RCAN2: variants seen among roughly 807,000 people sequenced by gnomAD.
The protein encoded by RCAN2 is calcipressin-2.
A neutral mutation model predicts 23.6 loss-of-function variants in RCAN2; 9 were observed. The ratio of observed to expected loss-of-function variants is 0.38; its 90% confidence interval spans 0.23 to 0.67. The LOEUF is 0.67. Among genes scored for constraint, RCAN2 ranks in the 30% least tolerant of loss-of-function variants. The pLI is 0.51. For missense variants in RCAN2, 273 were observed against 302.3 expected, an observed-to-expected ratio of 0.90 and a Z score of 0.72; for synonymous variants, 109 against 115.7, an observed-to-expected ratio of 0.94 and a Z score of 0.37.
At chr6:46,439,088 CTA>C (rs1166271978) in intron 2 of RCAN2, among the ~76,000 whole-genome samples, 1 of 152,178 alleles carries the variant, frequency 6.6e-6, no homozygotes, top group African/African-American at 2.4e-5. Flanking sequence ...TCAAAAGACT[CTA>C]GTCCACTGTA....
At chr6:46,224,207 A>G (rs992746677) in intron 4 of RCAN2, among the ~76,000 whole-genome samples, 2 of 152,162 alleles carry the variant, frequency 1.3e-5, no homozygotes, top group African/African-American at 2.4e-5. Flanking sequence ...TGGTGGGGTA[A>G]GAGGAGGGGG....
At chr6:46,386,904 A>T (rs1765772812) in intron 2 of RCAN2, among the ~76,000 whole-genome samples, 1 of 152,194 alleles carries the variant, frequency 6.6e-6, no homozygotes, top group African/African-American at 2.4e-5. Context: ...CAAAACAGAG[A>T]TATAGACCAA....
chr6:46,271,300 T>C (rs1767516722), intron 2 of RCAN2, among the ~76,000 whole-genome samples: 2 of 152,184 alleles, frequency 1.3e-5, no homozygotes, highest in South Asian at 2.1e-4. Flanking sequence ...AGCTCCAGTC[T>C]AACGACAGTA....
At chr6:46,332,179 T>C (rs1015602104) in intron 2 of RCAN2, among the ~76,000 whole-genome samples, 1 of 152,206 alleles carries the variant, frequency 6.6e-6, no homozygotes, top group Non-Finnish European at 1.5e-5. Flanking sequence ...AATATTTCCA[T>C]GGCTCAAAAA....
chr6:46,446,938 C>G (rs1339513139), intron 2 of RCAN2, among the ~76,000 whole-genome samples: 1 of 152,044 alleles, frequency 6.6e-6, no homozygotes, highest in Non-Finnish European at 1.5e-5. Flanking sequence ...AACAGATCTA[C>G]AAAGCAACTA....
intron 2 of RCAN2, among the ~76,000 whole-genome samples, chr6:46,330,892 G>A (rs1246624642): frequency 2.0e-5 from 3 of 152,124 alleles, no homozygotes. Context: ...CTGTTGTTTA[G>A]ATCCAGATGC....
At chr6:46,405,619 G>A (rs1029005410) in intron 2 of RCAN2, among the ~76,000 whole-genome samples, 3 of 152,122 alleles carry the variant, frequency 2.0e-5, no homozygotes, top group Non-Finnish European at 2.9e-5. Flanking sequence ...CTAAACACAG[G>A]GTGCTGATTG....
intron 2 of RCAN2, among the ~76,000 whole-genome samples, chr6:46,412,834 T>G (rs1766587696): frequency 6.6e-6 from 1 of 152,086 alleles, no homozygotes; most frequent in Admixed American, 6.6e-5. Flanking sequence ...TGTTGGGCCT[T>G]TGCTAGGAAC....
chr6:46,436,000 C>T (rs542965645), intron 2 of RCAN2, among the ~76,000 whole-genome samples: 14 of 152,312 alleles, frequency 9.2e-5, no homozygotes, highest in East Asian at 5.8e-4. Flanking sequence ...AGACTCTGTA[C>T]GCAGGGGAGA....
intron 1 of RCAN2, among the ~76,000 whole-genome samples, chr6:46,487,395 G>A (rs1198840850): frequency 6.6e-6 from 1 of 152,110 alleles, no homozygotes; most frequent in African/African-American, 2.4e-5. Flanking sequence ...CAACTAAGAG[G>A]TGGCCCCTAT....
At chr6:46,280,896 TGTGTG>T (rs1767888661) in intron 2 of RCAN2, among the ~76,000 whole-genome samples, 1 of 152,108 alleles carries the variant, frequency 6.6e-6, no homozygotes, top group South Asian at 2.1e-4. Context: ...TGTGTGTGTA[TGTGTG>T]GCTATTTTAC....
intron 1 of RCAN2, among the ~76,000 whole-genome samples, chr6:46,463,209 G>A (rs1011214975): frequency 1.3e-4 from 20 of 152,204 alleles, no homozygotes; most frequent in African/African-American, 2.7e-4. Flanking sequence ...GTCAAGTTAC[G>A]TTATCTAAGA....
intron 2 of RCAN2, among the ~76,000 whole-genome samples, chr6:46,421,340 G>A (rs904764566): frequency 1.3e-5 from 2 of 152,166 alleles, no homozygotes; most frequent in South Asian, 2.1e-4. Context: ...ATGAAAAAAT[G>A]AAGAAAGCAC....
rs138984720 is a variant in RCAN2 at position 46,350,039 on chromosome 6, A to G, written c.226-101143T>C. Among the ~76,000 whole-genome samples, 193 of 152,272 alleles carry G rather than the reference A, an allele frequency of 1.3e-3. 1 individual carries two copies. The highest frequency in any genetic ancestry group is 4.3e-3 in the African/African-American group (179 of 41,554). On this transcript the variant is annotated intron_variant, in intron 2 of 4. Transcript: ENST00000371374. Reference sequence around the variant, plus strand: ...TCTAACAACCTGCCTTATTTTTCTCAGTAGCATTTATTACCACCTATCACA... The same window carrying G: ...TCTAACAACCTGCCTTATTTTTCTCGGTAGCATTTATTACCACCTATCACA...
intron 1 of RCAN2, among the ~76,000 whole-genome samples, chr6:46,472,102 G>A (rs1439104012): frequency 3.9e-5 from 6 of 152,104 alleles, no homozygotes; most frequent in Non-Finnish European, 8.8e-5. Flanking sequence ...ATTCCAACCT[G>A]GAATTCTGAG....
Position 46,378,640 on chromosome 6 carries a change from G to T in RCAN2, c.225+78112C>A, listed in dbSNP as rs1045038435. On this transcript the variant is annotated intron_variant, in intron 2 of 4. Transcript: ENST00000371374. The stretch of plus-strand genomic sequence containing the variant: ...GCTGCCATATTCAGTTGTGCAGGTT[G>T]TACACTGCACAAGCCTCAGGGGGGT... 1.1e-4 allele frequency among the ~76,000 whole-genome samples: 16 copies of T among 152,328 alleles called. No homozygotes were observed. In the East Asian group the frequency reaches 1.3e-3, roughly 13 times the overall value.
At chr6:46,254,634 G>T (rs1460051400) in intron 2 of RCAN2, among the ~76,000 whole-genome samples, 6 of 152,130 alleles carry the variant, frequency 3.9e-5, no homozygotes, top group Non-Finnish European at 5.9e-5. Context: ...TGGTAGTGTG[G>T]GGAAACACTT....
At chr6:46,397,996 C>A (rs1201179720) in intron 2 of RCAN2, among the ~76,000 whole-genome samples, 1 of 152,072 alleles carries the variant, frequency 6.6e-6, no homozygotes, top group African/African-American at 2.4e-5. Context: ...AAACTGGAAA[C>A]AATCAAAATA....
At chr6:46,325,335 G>T (rs1763757389) in intron 2 of RCAN2, 2 of 1,592,748 alleles carry the variant, frequency 1.3e-6, no homozygotes, top group Non-Finnish European at 8.6e-7. Flanking sequence ...TGCTAAAAAG[G>T]CTCTGCCAAG....
Sources: gnomAD v4.1 joint callset for allele counts (sites outside exome capture counted in the v4.1 genomes callset) on GRCh38, gnomAD v4.1.1 for gene constraint, MANE v1.5 for transcripts, NCBI Gene and HGNC (gene_info 2026-07-23, HGNC 2026-07-21) for gene names.